Variants in SGMS1 observed in about 807,000 individuals in gnomAD.
The protein encoded by SGMS1 is phosphatidylcholine:ceramide cholinephosphotransferase 1.
In SGMS1, 13 loss-of-function variants were observed where a neutral mutation model predicts 46.2. The ratio of observed to expected loss-of-function variants is 0.28; its 90% CI spans 0.18 to 0.45. The LOEUF (loss-of-function observed/expected upper bound fraction) is 0.45. SGMS1 is among the 20% of genes least tolerant of loss of function. The pLI, the probability that SGMS1 is intolerant of heterozygous loss-of-function variation, is 1.00. For synonymous variants in SGMS1, 203 were observed against 187.8 expected (o/e 1.08, Z -0.66); for missense variants, 324 against 519.9 (o/e 0.62, Z 3.66).
At chr10:50,508,639 C>A (rs1837727977) in intron 3 of SGMS1, among the ~76,000 whole-genome samples, 1 of 152,148 alleles carries the variant, frequency 6.6e-6, no homozygotes, top group African/African-American at 2.4e-5. Flanking sequence ...CTCACTGTGG[C>A]AGGTGGTTGG....
chr10:50,622,286 A>C (rs942200271), intron 1 of SGMS1, among the ~76,000 whole-genome samples: 1 of 152,096 alleles, frequency 6.6e-6, no homozygotes, highest in Admixed American at 6.6e-5. Flanking sequence ...CCTTCTGCAC[A>C]GGCCAAAACA....
intron 7 of SGMS1, among the ~76,000 whole-genome samples, chr10:50,339,144 G>A (rs1847768651): frequency 1.3e-5 from 2 of 152,124 alleles, no homozygotes; most frequent in South Asian, 4.1e-4. Context: ...AAAACACCAG[G>A]TTTTTCATAT....
rs1438669752 is a variant in SGMS1 at position 50,579,926 on chromosome 10, C to T, written c.-589+10227G>A. Among the ~76,000 whole-genome samples, 3 of 152,110 alleles carry T rather than the reference C, an allele frequency of 2.0e-5. No individual in the cohort carries two copies. The East Asian group carries it at 5.8e-4, about 29-fold the overall frequency. ...TGGACTGGAGCAAAGCGTAAGACTC[C>T]AGGTAAGATTTCTCCGAGATGTAAT... On this transcript the variant is annotated intron_variant, in intron 2 of 10. Transcript: ENST00000361781.
chr10:50,457,154 T>C (rs1364029791), intron 5 of SGMS1, among the ~76,000 whole-genome samples: 2 of 152,236 alleles, frequency 1.3e-5, no homozygotes, highest in Non-Finnish European at 2.9e-5. Flanking sequence ...TAAAAGTATG[T>C]TGCAAAAGAA....
At chr10:50,335,854 A>C (rs1847707289) in intron 7 of SGMS1, 1 of 152,222 alleles carries the variant, frequency 6.6e-6, no homozygotes, top group South Asian at 2.1e-4. Context: ...TGAGATGATA[A>C]TTTGGTTTGT....
chr10:50,527,155 T>C (rs1385942489), intron 2 of SGMS1, among the ~76,000 whole-genome samples: 5 of 148,356 alleles, frequency 3.4e-5, no homozygotes, highest in African/African-American at 1.3e-4. Context: ...AGCCATCCAC[T>C]CCGTAAGTAG....
chr10:50,573,377 T>C (rs1036107145), intron 2 of SGMS1, among the ~76,000 whole-genome samples: 1 of 152,020 alleles, frequency 6.6e-6, no homozygotes, highest in African/African-American at 2.4e-5. Context: ...AAACAATGAG[T>C]TGTGTTTCTG....
chr10:50,417,481 G>A (rs1849188086), intron 6 of SGMS1, among the ~76,000 whole-genome samples: 2 of 151,924 alleles, frequency 1.3e-5, no homozygotes, highest in African/African-American at 2.4e-5. Flanking sequence ...TGTATTTATT[G>A]ACAAATTCCA....
chr10:50,560,567 T>C (rs1453115277), intron 2 of SGMS1, among the ~76,000 whole-genome samples: 1 of 145,808 alleles, frequency 6.9e-6, no homozygotes, highest in African/African-American at 2.5e-5. Flanking sequence ...TTATATGACA[T>C]ATATACATAA....
intron 5 of SGMS1, among the ~76,000 whole-genome samples, chr10:50,442,347 C>A (rs1307675175): frequency 6.6e-6 from 1 of 152,108 alleles, no homozygotes; most frequent in Non-Finnish European, 1.5e-5. Context: ...CCCACCGCCC[C>A]CCTCTGACAG....
At chr10:50,535,807 G>T (rs991305573) in intron 2 of SGMS1, among the ~76,000 whole-genome samples, 2 of 152,082 alleles carry the variant, frequency 1.3e-5, no homozygotes, top group Non-Finnish European at 2.9e-5. Flanking sequence ...AGCCACTTTT[G>T]GGGGAGAGGG....
chr10:50,490,526 A>C (rs1837558612), intron 3 of SGMS1, among the ~76,000 whole-genome samples: 1 of 152,212 alleles, frequency 6.6e-6, no homozygotes, highest in East Asian at 1.9e-4. Context: ...TCGATTTCAC[A>C]TCATATGGTT....
chr10:50,457,555 T>C (rs1263306786), intron 5 of SGMS1, among the ~76,000 whole-genome samples: 1 of 152,092 alleles, frequency 6.6e-6, no homozygotes, highest in East Asian at 1.9e-4. Context: ...ACAGTTAGTC[T>C]TCCAATCCAT....
intron 3 of SGMS1, among the ~76,000 whole-genome samples, chr10:50,477,233 A>G (rs142295295): frequency 2.0e-3 from 309 of 152,384 alleles, no homozygotes; most frequent in African/African-American, 7.0e-3. Flanking sequence ...GATGTGAGAT[A>G]CAGAGGCAAA....
chr10:50,439,353 G>A (rs1849513557), intron 5 of SGMS1, among the ~76,000 whole-genome samples: 1 of 152,106 alleles, frequency 6.6e-6, no homozygotes, highest in Non-Finnish European at 1.5e-5. Context: ...GAAACTGGTA[G>A]GGAAATCCTA....
chr10:50,348,976 C>T (rs1847961689), intron 6 of SGMS1, among the ~76,000 whole-genome samples: 1 of 152,154 alleles, frequency 6.6e-6, no homozygotes. Context: ...GGTATATAGA[C>T]AATCAACTTT....
At chr10:50,564,286 C>A (rs1838269063) in intron 2 of SGMS1, among the ~76,000 whole-genome samples, 1 of 152,288 alleles carries the variant, frequency 6.6e-6, no homozygotes, top group South Asian at 2.1e-4. Context: ...ATGGGCAGAG[C>A]GGGCTTCTAG....
chr10:50,601,518 G>A (rs894924263), intron 1 of SGMS1, among the ~76,000 whole-genome samples: 4 of 152,220 alleles, frequency 2.6e-5, no homozygotes, highest in Non-Finnish European at 5.9e-5. Context: ...TTAACCTCTT[G>A]TAGCCAAAGT....
At position 50,388,216 on chromosome 10, in the gene SGMS1, G is replaced by A. The variant is rs182861469; in HGVS notation, c.-231-43871C>T. Among the ~76,000 whole-genome samples, 6 of 152,146 alleles carry A rather than the reference G, an allele frequency of 3.9e-5. No individual in the cohort carries two copies. In the East Asian group the frequency reaches 1.2e-3, roughly 29 times the overall value. On this transcript the variant is annotated intron_variant, in intron 6 of 10. Transcript: ENST00000361781. Reference sequence around the variant, plus strand: ...GAAGTAGACCTGGATGGCAAGGGTGGGAGGTACACTTGACATTATGTATCT... The same window carrying A: ...GAAGTAGACCTGGATGGCAAGGGTGAGAGGTACACTTGACATTATGTATCT...
Sources: gnomAD v4.1 joint callset for allele counts (sites outside exome capture counted in the v4.1 genomes callset) on GRCh38, gnomAD v4.1.1 for gene constraint, MANE v1.5 for transcripts, NCBI Gene and HGNC (gene_info 2026-07-23, HGNC 2026-07-21) for gene names.